RAB10: variants seen among roughly 807,000 people sequenced by gnomAD.
RAB10 encodes ras-related protein Rab-10.
Under a neutral mutation model 25.7 loss-of-function variants are expected in RAB10, and 5 were observed. The observed-to-expected ratio is 0.19, with a 90% confidence interval of 0.10 to 0.41. The LOEUF (loss-of-function observed/expected upper bound fraction) is 0.41, where lower values mean the gene tolerates loss of function less well. Among genes scored for constraint, RAB10 ranks in the 10% least tolerant of loss-of-function variants. The probability of loss-of-function intolerance (pLI) is 1.00; values close to 1 mark genes in which losing one functional copy is unlikely to be tolerated. For synonymous variants in RAB10, 89 were observed against 86.4 expected, an observed-to-expected ratio of 1.03 and a Z score of -0.16; for missense variants, 103 against 245.8, an observed-to-expected ratio of 0.42 and a Z score of 3.89.
chr2:26,120,836 C>A (rs1047994768), intron 3 of RAB10, among the ~76,000 whole-genome samples: 1 of 152,106 alleles, frequency 6.6e-6, no homozygotes, highest in Non-Finnish European at 1.5e-5. Context: ...GTGATCCGCC[C>A]GCCTCGGCCT....
chr2:26,122,689 A>G, intron 3 of RAB10, among the ~76,000 whole-genome samples: 1 of 152,162 alleles, frequency 6.6e-6, no homozygotes, highest in Non-Finnish European at 1.5e-5. Context: ...AAGTGAAGTT[A>G]TTATATGACA....
At chr2:26,123,059 G>T (rs1667838471) in intron 3 of RAB10, among the ~76,000 whole-genome samples, 1 of 152,168 alleles carries the variant, frequency 6.6e-6, no homozygotes, top group South Asian at 2.1e-4. Context: ...TAACCCCCAA[G>T]ACCTGAAGGG....
chr2:26,062,262 C>A (rs930650362), intron 1 of RAB10, among the ~76,000 whole-genome samples: 28 of 152,062 alleles, frequency 1.8e-4, no homozygotes, highest in African/African-American at 6.3e-4. Flanking sequence ...TCATTGCAGC[C>A]CATCCTCTGC....
chr2:26,072,219 C>G (rs1666641750), intron 1 of RAB10, among the ~76,000 whole-genome samples: 3 of 152,122 alleles, frequency 2.0e-5, no homozygotes, highest in Admixed American at 2.0e-4. Context: ...GAGATTGAGA[C>G]CATCCTGGCC....
At chr2:26,039,165 G>A (rs372168897) in intron 1 of RAB10, among the ~76,000 whole-genome samples, 1 of 151,000 alleles carries the variant, frequency 6.6e-6, no homozygotes, top group Non-Finnish European at 1.5e-5. Context: ...GATTATAGGC[G>A]TGTGCCACCA....
chr2:26,047,606 G>T (rs909543239), intron 1 of RAB10, among the ~76,000 whole-genome samples: 2 of 151,742 alleles, frequency 1.3e-5, no homozygotes, highest in African/African-American at 4.8e-5. Context: ...TAGTAGAGAT[G>T]GGGTTTGACT....
chr2:26,098,109 C>CTT lies in RAB10; in HGVS notation c.128-526_128-525dup, dbSNP rs57174956. On this transcript the variant is annotated intron_variant, in intron 1 of 5. Coordinates refer to ENST00000264710, the MANE Select transcript of RAB10 (RefSeq NM_016131.5). Reference sequence around the variant, plus strand: ...CTTCTTTTTCTTTCTTTCTTTCTTTCTTTTTTTTTTTTTTTTTTTTTTTTT... The same window carrying CTT: ...CTTCTTTTTCTTTCTTTCTTTCTTTCTTTTTTTTTTTTTTTTTTTTTTTTTTT... Among the ~76,000 whole-genome samples, 84 of 52,720 alleles carry CTT rather than the reference C, an allele frequency of 1.6e-3. 4 individuals carry two copies. The highest frequency in any genetic ancestry group is 6.3e-3 in the African/African-American group (81 of 12,920). The allele number at this position is 52,720 out of a possible 152,430, so 34.6% of individuals were successfully genotyped here.
chr2:26,074,840 C>A (rs985880600), intron 1 of RAB10, among the ~76,000 whole-genome samples: 1 of 152,180 alleles, frequency 6.6e-6, no homozygotes, highest in Non-Finnish European at 1.5e-5. Context: ...CTTCTGCCTT[C>A]GTTTTTCTCA....
chr2:26,075,154 C>T (rs1173419921), intron 1 of RAB10, among the ~76,000 whole-genome samples: 2 of 152,024 alleles, frequency 1.3e-5, no homozygotes, highest in Non-Finnish European at 2.9e-5. Flanking sequence ...CAAAAGATGC[C>T]AAGGTGAGAT....
chr2:26,090,940 CAA>C (rs34929018), intron 1 of RAB10, among the ~76,000 whole-genome samples: 108,944 of 143,012 alleles, frequency 0.76, 40,994 homozygotes, highest in East Asian at 0.87. Context: ...TCTCCCCCCC[CAA>C]AAAAAAAAAA....
At chr2:26,103,112 G>A (rs72858237) in intron 2 of RAB10, among the ~76,000 whole-genome samples, 280 of 152,332 alleles carry the variant, frequency 1.8e-3, no homozygotes, top group African/African-American at 6.5e-3. Flanking sequence ...AGGAAGCTAA[G>A]TACATTCAAG....
intron 1 of RAB10, among the ~76,000 whole-genome samples, chr2:26,079,310 AACACACACACACAAACACAC>A (rs1293023561): frequency 3.6e-4 from 22 of 61,386 alleles, no homozygotes; most frequent in African/African-American, 5.9e-4. Context: ...GCAAGTTTGA[AACACACACACACAAACACAC>A]ACACACACAC....
intron 1 of RAB10, among the ~76,000 whole-genome samples, chr2:26,087,382 T>TTGC (rs900142569): frequency 3.9e-5 from 6 of 152,316 alleles, no homozygotes; most frequent in African/African-American, 7.2e-5. Flanking sequence ...ACTGCTGTTA[T>TTGC]TGCTGCTGCT....
chr2:26,102,711 TACAGGCGTG>T (rs747605516), intron 2 of RAB10, among the ~76,000 whole-genome samples: 160 of 152,354 alleles, frequency 1.1e-3, no homozygotes, highest in Middle Eastern at 3.4e-3. Context: ...GTGCTAGGAT[TACAGGCGTG>T]AGCCACTGCC....
At chr2:26,079,882 A>T (rs190675639) in intron 1 of RAB10, among the ~76,000 whole-genome samples, 2 of 151,748 alleles carry the variant, frequency 1.3e-5, no homozygotes, top group Non-Finnish European at 2.9e-5. Context: ...CCCAGGCTGA[A>T]CTCCTGGGCT....
intron 1 of RAB10, among the ~76,000 whole-genome samples, chr2:26,081,810 T>C (rs80124561): frequency 6.6e-6 from 1 of 152,192 alleles, no homozygotes; most frequent in Non-Finnish European, 1.5e-5. Context: ...TGGAGTAATA[T>C]TTAAGTTCAG....
At position 26,072,540 on chromosome 2, in the gene RAB10, C is replaced by T. The variant is rs575048559; in HGVS notation, c.128-26122C>T. Among the ~76,000 whole-genome samples, 65 of 151,672 alleles carry T rather than the reference C, an allele frequency of 4.3e-4. 2 individuals carry two copies. The South Asian group carries it at 0.013, about 30-fold the overall frequency. ...TACTGCTTGTTCCTTGTGACTCATG[C>T]AAAAAAAGAAGAAAAAAAGAAATTA... On this transcript the variant is annotated intron_variant, in intron 1 of 5. Coordinates refer to ENST00000264710, the MANE Select transcript of RAB10 (RefSeq NM_016131.5).
intron 1 of RAB10, among the ~76,000 whole-genome samples, chr2:26,055,827 G>C (rs897855011): frequency 6.6e-6 from 1 of 151,804 alleles, no homozygotes; most frequent in African/African-American, 2.4e-5. Context: ...CGCCTGGTCT[G>C]TGTTTTTCTG....
At chr2:26,124,115 A>G (rs1370022944) in intron 3 of RAB10, among the ~76,000 whole-genome samples, 1 of 152,188 alleles carries the variant, frequency 6.6e-6, no homozygotes. Flanking sequence ...TATGGTAAGA[A>G]TACAGTATAG....
Sources: gnomAD v4.1 joint callset for allele counts (sites outside exome capture counted in the v4.1 genomes callset) on GRCh38, gnomAD v4.1.1 for gene constraint, MANE v1.5 for transcripts, NCBI Gene and HGNC (gene_info 2026-07-23, HGNC 2026-07-21) for gene names.